CDK6: variants seen among roughly 807,000 people sequenced by gnomAD.
CDK6 encodes the protein cyclin-dependent kinase 6.
In CDK6, 6 loss-of-function variants were observed where a neutral mutation model predicts 37.1. The observed-to-expected ratio is 0.16, with a 90% CI of 0.09 to 0.32. The LOEUF is 0.32. Among genes scored for constraint, CDK6 ranks in the 10% least tolerant of loss-of-function variants. CDK6 has a pLI of 1.00. For synonymous variants in CDK6, 160 were observed against 161.3 expected (o/e 0.99, Z 0.06); for missense variants, 224 against 418.9 (o/e 0.53, Z 4.06).
intron 5 of CDK6, among the ~76,000 whole-genome samples, chr7:92,670,757 T>C (rs1284007071): frequency 1.3e-5 from 2 of 152,230 alleles, no homozygotes; most frequent in Non-Finnish European, 2.9e-5. Context: ...TCCAGCCTCT[T>C]CTTAGACACA....
rs1022711908 is a variant in CDK6 at position 92,834,555 on chromosome 7, G to C, written c.-367-865C>G. 3.3e-5 allele frequency among the ~76,000 whole-genome samples: 5 copies of C among 151,818 alleles called. 1 individual carries two copies. The highest frequency in any genetic ancestry group is 2.6e-4 in the Admixed American group (4 of 15,244). Reference sequence around the variant, plus strand: ...CCAAGGGTGGGAGAAAGGGGTGTTCGCCACAATTTCGCTTGTCGTCTCCTT... The same window carrying C: ...CCAAGGGTGGGAGAAAGGGGTGTTCCCCACAATTTCGCTTGTCGTCTCCTT... On this transcript the variant is annotated intron_variant, in intron 1 of 7. Transcript: ENST00000424848. This position sits in a 1 kb window ranked among gnomAD's most constrained non-coding sequence, Gnocchi z 4.6.
intron 3 of CDK6, among the ~76,000 whole-genome samples, chr7:92,729,459 C>A (rs1798592117): frequency 6.6e-6 from 1 of 152,100 alleles, no homozygotes. Flanking sequence ...TCACTTGGGA[C>A]CCTCACTCTA....
At chr7:92,826,918 A>T in intron 2 of CDK6, among the ~76,000 whole-genome samples, 1 of 152,182 alleles carries the variant, frequency 6.6e-6, no homozygotes, top group African/African-American at 2.4e-5. Flanking sequence ...TATAAAATAC[A>T]CAATCCTGGT....
intron 5 of CDK6, among the ~76,000 whole-genome samples, chr7:92,663,209 A>G (rs759361989): frequency 1.3e-5 from 2 of 152,108 alleles, no homozygotes; most frequent in African/African-American, 2.4e-5. Context: ...TTAGAAGAAG[A>G]CTAAGCAGAT....
At chr7:92,641,812 A>T (rs1361049810) in intron 5 of CDK6, among the ~76,000 whole-genome samples, 1 of 152,192 alleles carries the variant, frequency 6.6e-6, no homozygotes, top group African/African-American at 2.4e-5. Context: ...GTCTAGTGAG[A>T]TCATTAAATG....
chr7:92,736,618 T>G (rs1021042422), intron 3 of CDK6, among the ~76,000 whole-genome samples: 27 of 152,100 alleles, frequency 1.8e-4, no homozygotes, highest in Non-Finnish European at 8.8e-5. Flanking sequence ...CAGCTATAGC[T>G]CCAGCAGGCA....
chr7:92,687,369 C>G (rs983122506), intron 4 of CDK6, among the ~76,000 whole-genome samples: 1 of 152,188 alleles, frequency 6.6e-6, no homozygotes, highest in African/African-American at 2.4e-5. Flanking sequence ...GGCAAGCATT[C>G]AATGACTATT....
chr7:92,653,605 T>TCCACTAAATGA (rs1311597417), intron 5 of CDK6, among the ~76,000 whole-genome samples: 45 of 152,322 alleles, frequency 3.0e-4, no homozygotes, highest in Non-Finnish European at 6.2e-4. Flanking sequence ...AGAATGAGTT[T>TCCACTAAATGA]TCTGTATTCA....
chr7:92,671,577 T>C (rs753494779), intron 4 of CDK6, 42 bp from the exon 5 acceptor site: 1 of 1,290,222 alleles, frequency 7.8e-7, no homozygotes, highest in East Asian at 2.6e-5. Flanking sequence ...AGAAGGTGGC[T>C]GTTGGCTTAG....
At chr7:92,642,927 C>T (rs578018702) in intron 5 of CDK6, among the ~76,000 whole-genome samples, 13 of 151,388 alleles carry the variant, frequency 8.6e-5, no homozygotes, top group East Asian at 7.8e-4. Context: ...CAGGGTCTAC[C>T]TCTGTCACCA....
At chr7:92,824,322 A>G (rs753146418) in intron 2 of CDK6, among the ~76,000 whole-genome samples, 11 of 152,226 alleles carry the variant, frequency 7.2e-5, no homozygotes, top group African/African-American at 2.6e-4. Flanking sequence ...CCAAAGTATG[A>G]CAAAAATGAA....
At chr7:92,773,028 G>A (rs1799756156) in intron 3 of CDK6, among the ~76,000 whole-genome samples, 1 of 152,096 alleles carries the variant, frequency 6.6e-6, no homozygotes, top group African/African-American at 2.4e-5. Context: ...GATAGTCTAT[G>A]TTTAAAGCCT....
chr7:92,619,948 C>T (rs1795771712), intron 6 of CDK6, among the ~76,000 whole-genome samples: 1 of 152,100 alleles, frequency 6.6e-6, no homozygotes, highest in Non-Finnish European at 1.5e-5. Flanking sequence ...TGTCTGGATA[C>T]AATGGGACAG....
intron 3 of CDK6, among the ~76,000 whole-genome samples, chr7:92,759,697 C>CAAAAAAAA (rs61188860): frequency 1.0e-3 from 74 of 73,802 alleles, no homozygotes; most frequent in African/African-American, 2.0e-3. Context: ...GACTTTAAGG[C>CAAAAAAAA]AAAAAAAAAA....
intron 4 of CDK6, among the ~76,000 whole-genome samples, chr7:92,717,969 A>G (rs975956522): frequency 6.6e-6 from 1 of 152,094 alleles, no homozygotes; most frequent in Admixed American, 6.6e-5. Flanking sequence ...GTGTTTTATT[A>G]CCACTGAGAA....
At position 92,725,812 on chromosome 7, in the gene CDK6, G is replaced by C. The variant is rs148326281; in HGVS notation, c.370-19C>G. ...TCATATCCTAATAAAATTAAAAAAA[G>C]AAAATCAGTAAACACTCAAAACGGA... is the stretch of plus-strand genomic sequence containing the variant. On this transcript the variant is annotated intron_variant, in intron 3 of 7. Transcript: ENST00000424848. The C allele has an allele frequency of 7.3e-5, 117 of 1,600,328 alleles. 2 individuals are homozygous for C. In the East Asian group the frequency reaches 2.5e-3, roughly 34 times the overall value.
chr7:92,710,046 G>A (rs1335429684), intron 4 of CDK6, among the ~76,000 whole-genome samples: 2 of 152,198 alleles, frequency 1.3e-5, no homozygotes, highest in African/African-American at 4.8e-5. Flanking sequence ...AACAGCAGAT[G>A]TTCCTACCTA....
intron 4 of CDK6, among the ~76,000 whole-genome samples, chr7:92,705,956 G>A (rs556528300): frequency 1.3e-5 from 2 of 152,240 alleles, no homozygotes; most frequent in Non-Finnish European, 2.9e-5. Flanking sequence ...GACAGTGCAG[G>A]TTATACAAGG....
Position 92,833,304 on chromosome 7 carries a change from C to A in CDK6, c.20G>T (p.Cys7Phe). The change falls in exon 2 of 8, where the codon TGC becomes TTC. Residue 7 changes from cysteine (C) to phenylalanine (F), a missense_variant. Cys to Phe is a radical substitution (Grantham distance 205). Around this residue, in one of 5 missense-constraint regions of CDK6, gnomAD observed 18 missense variants for 18.5 expected, o/e 0.97. Transcript: ENST00000424848. The surrounding 1 kb of genome is among the most constrained non-coding windows in gnomAD (Gnocchi z 6.1). MEKDGL[C>F]RADQQYECVA... The stretch of plus-strand genomic sequence containing the variant: ...GCATTCGTACTGCTGGTCAGCGCGG[C>A]ACAGGCCGTCCTTCTCCATGCCGCC... 1 of 1,599,414 alleles carries A rather than the reference C, an allele frequency of 6.3e-7. No homozygotes were observed. The highest frequency in any genetic ancestry group is 8.5e-7 in the Non-Finnish European group (1 of 1,175,078).
Sources: gnomAD v4.1 joint callset for allele counts (sites outside exome capture counted in the v4.1 genomes callset) on GRCh38, gnomAD v4.1.1 for gene constraint, gnomAD v4.1.1 regional missense constraint, Gnocchi (gnomAD v3.1) non-coding constraint, MANE v1.5 for transcripts, NCBI Gene and HGNC (gene_info 2026-07-23, HGNC 2026-07-21) for gene names.